FAM193A: variants seen among roughly 807,000 people sequenced by gnomAD.
FAM193A encodes protein FAM193A.
In FAM193A, 22 loss-of-function variants were observed where a neutral mutation model predicts 126.5. The observed-to-expected ratio is 0.17, with a 90% CI of 0.12 to 0.25. The LOEUF (loss-of-function observed/expected upper bound fraction) is 0.25, where lower values mean the gene tolerates loss of function less well. Ranked by LOEUF, FAM193A falls within the 10% of genes least tolerant of loss-of-function variation. FAM193A has a pLI of 1.00. For missense variants in FAM193A, 1,675 were observed against 1,672.8 expected (o/e 1.00, Z -0.02); for synonymous variants, 761 against 646.8 (o/e 1.18, Z -2.68).
At chr4:2,560,067 G>A (rs1189986603) in intron 1 of FAM193A, among the ~76,000 whole-genome samples, 1 of 151,586 alleles carries the variant, frequency 6.6e-6, no homozygotes, top group Non-Finnish European at 1.5e-5. Context: ...CAAGCCTGCC[G>A]AGTAGCTGGG....
intron 1 of FAM193A, among the ~76,000 whole-genome samples, chr4:2,539,862 G>A (rs1407200849): frequency 6.6e-6 from 1 of 152,118 alleles, no homozygotes; most frequent in Non-Finnish European, 1.5e-5. Context: ...ACTTCGGGAG[G>A]CCGAGGTGGG....
At chr4:2,723,525 G>A (rs1286443789) in intron 20 of FAM193A, among the ~76,000 whole-genome samples, 1 of 139,762 alleles carries the variant, frequency 7.2e-6, no homozygotes, top group Non-Finnish European at 1.5e-5. Flanking sequence ...AGTGAGTTGA[G>A]ATCGTGCCAC....
At chr4:2,722,620 A>G (rs377004596) in intron 20 of FAM193A, among the ~76,000 whole-genome samples, 3 of 152,238 alleles carry the variant, frequency 2.0e-5, no homozygotes, top group South Asian at 2.1e-4. Flanking sequence ...GGGAAAGAGA[A>G]TTTGGATTCT....
intron 1 of FAM193A, among the ~76,000 whole-genome samples, chr4:2,558,108 A>T (rs766400691): frequency 2.8e-4 from 43 of 152,174 alleles, no homozygotes; most frequent in Non-Finnish European, 5.3e-4. Flanking sequence ...CCCCGTCTCT[A>T]CTAAAATATG....
Position 2,695,030 on chromosome 4 carries a change from C to T in FAM193A, c.3177C>T (p.Asp1059=), listed in dbSNP as rs1400865950. ...QDDGDESADE[D]SCSEHSSSTS... ...ATGGGGACGAGAGTGCAGATGAGGA[C>T]AGCTGCTCTGAGCACAGCTCCAGCA... The change falls in exon 17 of 21, where the codon GAC becomes GAT. Residue 1059 remains aspartate (D), a synonymous_variant. Transcript: ENST00000637812. 3 of 1,610,746 alleles carry T rather than the reference C, an allele frequency of 1.9e-6. No homozygotes were observed. Among genetic ancestry groups the T allele is most frequent in the Non-Finnish European group, 2.5e-6 (3 of 1,178,736 alleles).
At chr4:2,606,045 CTTTTTTTTTTTT>C (rs1170025017) in intron 2 of FAM193A, among the ~76,000 whole-genome samples, 1 of 61,004 alleles carries the variant, frequency 1.6e-5, no homozygotes, top group African/African-American at 6.8e-5. Context: ...TTGCAAACCT[CTTTTTTTTTTTT>C]TTTTTTTTTT....
intron 1 of FAM193A, among the ~76,000 whole-genome samples, chr4:2,553,490 C>T (rs1352047077): frequency 1.3e-5 from 2 of 150,930 alleles, no homozygotes; most frequent in Admixed American, 6.6e-5. Flanking sequence ...AAGAGATTCT[C>T]CTGCCTCAGC....
At chr4:2,565,905 T>C (rs1317481289) in intron 1 of FAM193A, among the ~76,000 whole-genome samples, 2 of 152,156 alleles carry the variant, frequency 1.3e-5, no homozygotes, top group Non-Finnish European at 2.9e-5. Flanking sequence ...TACATAAAGG[T>C]AAGTGGTCTA....
At chr4:2,573,365 A>T (rs752204331) in intron 1 of FAM193A, among the ~76,000 whole-genome samples, 1 of 152,074 alleles carries the variant, frequency 6.6e-6, no homozygotes, top group Non-Finnish European at 1.5e-5. Flanking sequence ...TGCAAGAATC[A>T]GCCAGTGCGT....
chr4:2,574,188 T>G (rs1577026015), intron 1 of FAM193A, among the ~76,000 whole-genome samples: 1 of 151,700 alleles, frequency 6.6e-6, no homozygotes, highest in Non-Finnish European at 1.5e-5. Flanking sequence ...CAGTGTGGGG[T>G]GTCTGATGGG....
chr4:2,624,239 C>T (rs1319399477), intron 2 of FAM193A, among the ~76,000 whole-genome samples: 2 of 151,876 alleles, frequency 1.3e-5, no homozygotes, highest in Non-Finnish European at 2.9e-5. Context: ...TGCGGTGGCG[C>T]GATCTCGGCT....
intron 12 of FAM193A, 128 bp downstream of exon 12, chr4:2,663,416 C>A: frequency 3.0e-6 from 2 of 672,292 alleles, no homozygotes; most frequent in Non-Finnish European, 4.7e-6. Context: ...TGAAGAGAGT[C>A]AAGGCATACT....
chr4:2,732,023 GGCCCACGCCGTTAGCTC>G lies in FAM193A; in HGVS notation c.*157_*173del, dbSNP rs1721457498. 6.5e-5 allele frequency: 44 copies of G among 672,456 alleles called. No individual in the cohort carries two copies. Among genetic ancestry groups the G allele is most frequent in the Non-Finnish European group, 1.0e-4 (38 of 372,910 alleles). The allele number at this position is 672,456 out of a possible 1,614,324, so 41.7% of individuals were successfully genotyped here. A position where few individuals can be genotyped will look rare whatever the true frequency, so the allele number is the denominator to read the frequency against. ...ACCCCAGACCGAGAAGTTGATGCTCGGCCCACGCCGTTAGCTCGTGTGCGTGTAGTCTGTGCGTGAGA... is the reference window on the plus strand; with the variant it reads ...ACCCCAGACCGAGAAGTTGATGCTCGGTGTGCGTGTAGTCTGTGCGTGAGA... On this transcript the variant is annotated 3_prime_UTR_variant, in exon 21 of 21. Transcript: ENST00000637812.
At chr4:2,641,544 A>G (rs1744628816) in intron 6 of FAM193A, among the ~76,000 whole-genome samples, 2 of 152,050 alleles carry the variant, frequency 1.3e-5, no homozygotes, top group Admixed American at 1.3e-4. Flanking sequence ...AGTCCCAGCT[A>G]CTTGGGAGGC....
At chr4:2,692,048 G>A (rs984110705) in intron 15 of FAM193A, among the ~76,000 whole-genome samples, 13 of 152,194 alleles carry the variant, frequency 8.5e-5, no homozygotes, top group Non-Finnish European at 1.3e-4. Context: ...TTCAAAAGCA[G>A]CACCCATAGG....
At chr4:2,570,719 C>G (rs1233036284) in intron 1 of FAM193A, among the ~76,000 whole-genome samples, 2 of 152,100 alleles carry the variant, frequency 1.3e-5, no homozygotes, top group Non-Finnish European at 2.9e-5. Flanking sequence ...ACCAGTTACC[C>G]CATGGGTACA....
At chr4:2,608,914 A>T (rs1220109134) in intron 2 of FAM193A, among the ~76,000 whole-genome samples, 1 of 146,316 alleles carries the variant, frequency 6.8e-6, no homozygotes, top group Admixed American at 6.8e-5. Flanking sequence ...TTTTTGAGAC[A>T]GAGTCTCACT....
intron 7 of FAM193A, among the ~76,000 whole-genome samples, chr4:2,656,232 T>C (rs767491484): frequency 7.9e-5 from 12 of 152,234 alleles, no homozygotes; most frequent in Non-Finnish European, 1.6e-4. Context: ...GTTTAAATTT[T>C]CTGTCCCATG....
At chr4:2,643,751 C>T (rs80261595) in intron 6 of FAM193A, among the ~76,000 whole-genome samples, 4,374 of 152,278 alleles carry the variant, frequency 0.029, 220 homozygotes, top group African/African-American at 0.099. Context: ...CACCTCCATC[C>T]TCTGTCCTGC....
Sources: allele counts gnomAD v4.1 joint callset (sites outside exome capture counted in the v4.1 genomes callset), GRCh38; gene constraint gnomAD v4.1.1; transcripts MANE v1.5; gene names NCBI Gene and HGNC (gene_info 2026-07-23, HGNC 2026-07-21).